VWF: variants seen among roughly 807,000 people sequenced by gnomAD.
VWF encodes the protein von Willebrand factor, also known as Factor VIII related antigen.
VWF carries 176 observed loss-of-function variants against 308.6 expected under a neutral mutation model. The ratio of observed to expected loss-of-function variants is 0.57; its 90% confidence interval spans 0.50 to 0.65. The LOEUF (loss-of-function observed/expected upper bound fraction) is 0.65, where lower values mean the gene tolerates loss of function less well. VWF is among the 30% of genes least tolerant of loss of function. VWF has a pLI of 0.00. For synonymous variants in VWF, 1,385 were observed against 1,443.4 expected, an observed-to-expected ratio of 0.96 and a Z score of 0.92; for missense variants, 3,146 against 3,648.2, an observed-to-expected ratio of 0.86 and a Z score of 3.55.
Position 6,075,215 on chromosome 12 carries a change from G to T in VWF, c.874+120C>A. On this transcript the variant is annotated intron_variant, in intron 7 of 51. Coordinates refer to ENST00000261405, the MANE Select transcript of VWF (RefSeq NM_000552.5). This position sits in a 1 kb window ranked among gnomAD's most constrained non-coding sequence, Gnocchi z 4.7. ...GGGACACGTGGCTTTGTAGTCACTGGCTGGCTGGGTGTGGTAAAGCCGCAC... is the reference window on the plus strand; with the variant it reads ...GGGACACGTGGCTTTGTAGTCACTGTCTGGCTGGGTGTGGTAAAGCCGCAC... The T allele has an allele frequency of 7.8e-7, 1 of 1,284,044 alleles. No homozygotes were observed. The highest frequency in any genetic ancestry group is 1.1e-6 in the Non-Finnish European group (1 of 908,544). 79.5% of individuals were successfully genotyped at this position (1,284,044 alleles called of 1,614,324 possible). A position where few individuals can be genotyped will look rare whatever the true frequency, so the allele number is the denominator to read the frequency against.
chr12:6,103,305 C>T (rs1470052982), intron 5 of VWF, among the ~76,000 whole-genome samples: 3 of 151,174 alleles, frequency 2.0e-5, no homozygotes, highest in African/African-American at 7.3e-5. Flanking sequence ...CCAGCCTGGG[C>T]AACAGAGCGA....
chr12:6,083,563 G>A (rs552591405), intron 6 of VWF, among the ~76,000 whole-genome samples: 30 of 152,112 alleles, frequency 2.0e-4, no homozygotes, highest in African/African-American at 2.2e-4. Flanking sequence ...AGACTCCGTC[G>A]CAAAAAACAA....
At chr12:5,961,445 A>G (rs921069446) in intron 47 of VWF, among the ~76,000 whole-genome samples, 16 of 152,164 alleles carry the variant, frequency 1.1e-4, no homozygotes, top group African/African-American at 3.6e-4. Context: ...GTTCTATTCA[A>G]TATTGTACTG....
rs1944166810 is a variant in VWF at position 6,024,354 on chromosome 12, C to T, written c.3223-567G>A. Among the ~76,000 whole-genome samples the T allele has an allele frequency of 6.6e-6, 1 of 152,218 alleles. No individual in the cohort carries two copies. Among genetic ancestry groups the T allele is most frequent in the African/African-American group, 2.4e-5 (1 of 41,462 alleles). Reference sequence around the variant, plus strand: ...TCCCCAAAACACGCCTCTAAACACACTGGACTTTTTCAGGGCAGTTATGAC... The same window carrying T: ...TCCCCAAAACACGCCTCTAAACACATTGGACTTTTTCAGGGCAGTTATGAC... On this transcript the variant is annotated intron_variant, in intron 24 of 51. Coordinates refer to ENST00000261405, the MANE Select transcript of VWF (RefSeq NM_000552.5). The surrounding 1 kb of genome is among the most constrained non-coding windows in gnomAD (Gnocchi z 4.0).
In VWF at chr12:5,992,032, AG is replaced by A; in HGVS notation, c.6599-15del. On this transcript the variant is annotated splice_polypyrimidine_tract_variant and intron_variant, in intron 37 of 51. Coordinates refer to ENST00000261405, the MANE Select transcript of VWF (RefSeq NM_000552.5). Reference sequence around the variant, plus strand: ...GGCATGACATAGCTGTAGACAGAGAAGGAGGTCACTTGCAAAGGCCCACACC... The same window carrying A: ...GGCATGACATAGCTGTAGACAGAGAAGAGGTCACTTGCAAAGGCCCACACC... 2.5e-6 allele frequency: 4 copies of A among 1,613,654 alleles called. No homozygotes were observed. The highest frequency in any genetic ancestry group is 3.4e-6 in the Non-Finnish European group (4 of 1,179,732).
intron 34 of VWF, 73 bp from the exon 35 acceptor site, chr12:5,996,295 G>C (rs559274842): frequency 2.9e-6 from 4 of 1,390,978 alleles, no homozygotes; most frequent in African/African-American, 1.4e-5. Flanking sequence ...AGACAGGCAG[G>C]TGTGACCAAG....
At position 6,063,206 on chromosome 12, in the gene VWF, AG is replaced by A. The variant is rs1366803230; in HGVS notation, c.1433-153del. ...GCAGATGGGGTGGCCATGAGGTTTA[AG>A]GGGGTGTCAGGAGGAAGGGTGATCA... On this transcript the variant is annotated intron_variant, in intron 12 of 51. Transcript: ENST00000261405. This position sits in a 1 kb window ranked among gnomAD's most constrained non-coding sequence, Gnocchi z 4.9. 2.8e-6 allele frequency: 2 copies of A among 706,086 alleles called. No homozygotes were observed. Among genetic ancestry groups the A allele is most frequent in the Admixed American group, 2.1e-5 (1 of 48,752 alleles). The allele number at this position is 706,086 out of a possible 1,614,324, so 43.7% of individuals were successfully genotyped here.
intron 12 of VWF, among the ~76,000 whole-genome samples, chr12:6,064,027 C>T (rs1415776715): frequency 2.0e-5 from 3 of 152,236 alleles, no homozygotes; most frequent in Non-Finnish European, 1.5e-5. Context: ...ACCTCTTCAT[C>T]TATAGGCTTC....
At chr12:6,016,474 C>T (rs1944058190) in intron 30 of VWF, 42 bp downstream of exon 30, 1 of 1,603,406 alleles carries the variant, frequency 6.2e-7, no homozygotes, top group African/African-American at 1.3e-5. Flanking sequence ...AAATAAGAAC[C>T]AGAATGCAGC....
intron 6 of VWF, among the ~76,000 whole-genome samples, chr12:6,076,362 T>A (rs1591903004): frequency 6.6e-6 from 1 of 152,218 alleles, no homozygotes; most frequent in Non-Finnish European, 1.5e-5. Flanking sequence ...TTTCCCACAG[T>A]GTAACATCTC....
intron 47 of VWF, among the ~76,000 whole-genome samples, chr12:5,956,798 T>G (rs891615614): frequency 6.6e-6 from 1 of 152,220 alleles, no homozygotes; most frequent in African/African-American, 2.4e-5. Flanking sequence ...CTTTTAAAAT[T>G]TTAAAACTTT....
At chr12:5,992,127 C>G (rs533186803) in intron 37 of VWF, 109 bp from the exon 38 acceptor site, 6 of 1,059,784 alleles carry the variant, frequency 5.7e-6, no homozygotes, top group Non-Finnish European at 8.4e-6. Flanking sequence ...AGGGCAGAGA[C>G]GGCTATTTTC....
chr12:6,049,707 T>C (rs1202820160), intron 16 of VWF, among the ~76,000 whole-genome samples: 1 of 152,230 alleles, frequency 6.6e-6, no homozygotes, highest in Admixed American at 6.5e-5. Context: ...AACAGTGTTG[T>C]TTTAAGGTCC....
Position 6,012,132 on chromosome 12 carries a change from T to C in VWF, c.5621-2A>G. ...CATCCATGCAAATCCTAACAAATCC[T>C]GCAACAGACACAAATAAGACCTTAG... On this transcript the variant is annotated splice_acceptor_variant, in intron 32 of 51. Transcript: ENST00000261405. LOFTEE classifies it high-confidence loss of function. The C allele has an allele frequency of 6.2e-7, 1 of 1,614,028 alleles. No individual in the cohort carries two copies. The highest frequency in any genetic ancestry group is 8.5e-7 in the Non-Finnish European group (1 of 1,179,902).
intron 6 of VWF, among the ~76,000 whole-genome samples, chr12:6,091,965 C>T (rs1450967994): frequency 6.6e-6 from 1 of 152,190 alleles, no homozygotes; most frequent in African/African-American, 2.4e-5. Context: ...TGCCCTACTG[C>T]TCTGCTGATG....
At chr12:6,092,194 G>A (rs1000452165) in intron 6 of VWF, among the ~76,000 whole-genome samples, 5 of 152,110 alleles carry the variant, frequency 3.3e-5, no homozygotes, top group Non-Finnish European at 7.3e-5. Context: ...AGGGACCCCA[G>A]AGAAATATTA....
chr12:6,025,021 T>C (rs1283392805), intron 24 of VWF, among the ~76,000 whole-genome samples: 2 of 31,668 alleles, frequency 6.3e-5, no homozygotes, highest in Admixed American at 3.3e-4. Flanking sequence ...AGACTCTGTC[T>C]CAAAAAAAAA....
chr12:6,092,672 T>TGC (rs1555073762), intron 6 of VWF, among the ~76,000 whole-genome samples: 5 of 144,794 alleles, frequency 3.5e-5, no homozygotes, highest in Admixed American at 2.1e-4. Flanking sequence ...TGTGTGTGTG[T>TGC]GCTGACCAGC....
intron 42 of VWF, among the ~76,000 whole-genome samples, chr12:5,978,559 T>G (rs906319531): frequency 5.9e-5 from 9 of 152,164 alleles, no homozygotes; most frequent in African/African-American, 2.2e-4. Context: ...TTGAAACTAT[T>G]ACAGGTATAT....
Sources: allele counts gnomAD v4.1 joint callset (sites outside exome capture counted in the v4.1 genomes callset), GRCh38; gene constraint gnomAD v4.1.1; non-coding constraint Gnocchi (gnomAD v3.1); transcripts MANE v1.5; gene names NCBI Gene and HGNC (gene_info 2026-07-23, HGNC 2026-07-21).